The following DLC1 variants were observed in gnomAD, a reference collection of about 807,000 sequenced individuals.
DLC1 encodes the protein DLC1 Rho GTPase activating protein, also known as rho GTPase-activating protein 7.
In DLC1, 54 loss-of-function variants were observed where a neutral mutation model predicts 140.3. The ratio of observed to expected loss-of-function variants is 0.38; its 90% CI spans 0.31 to 0.48. The LOEUF is 0.48. Among genes scored for constraint, DLC1 ranks in the 20% least tolerant of loss-of-function variants. The probability of loss-of-function intolerance (pLI) is 0.96; values close to 1 mark genes in which losing one functional copy is unlikely to be tolerated. For synonymous variants in DLC1, 986 were observed against 728.1 expected, an observed-to-expected ratio of 1.35 and a Z score of -5.70; for missense variants, 2,536 against 1,907.0, an observed-to-expected ratio of 1.33 and a Z score of -6.14.
intron 5 of DLC1, among the ~76,000 whole-genome samples, chr8:13,172,269 C>T (rs546449194): frequency 6.6e-6 from 1 of 152,112 alleles, no homozygotes; most frequent in Non-Finnish European, 1.5e-5. Context: ...ATGGAGACCC[C>T]TGATAGGGTG....
chr8:13,208,537 T>C (rs1827780615), intron 5 of DLC1, among the ~76,000 whole-genome samples: 2 of 152,216 alleles, frequency 1.3e-5, no homozygotes, highest in Admixed American at 1.3e-4. Flanking sequence ...AGTCTTCCTT[T>C]CTTTGGTGCA....
intron 5 of DLC1, among the ~76,000 whole-genome samples, chr8:13,298,349 C>T (rs1832045885): frequency 6.6e-6 from 1 of 152,110 alleles, no homozygotes; most frequent in Admixed American, 6.5e-5. Context: ...CATGACCTGG[C>T]TGACATATTT....
In DLC1 at chr8:13,099,731, G is replaced by T; in HGVS notation, c.2606C>A (p.Ser869Tyr). 1.2e-6 allele frequency: 2 copies of T among 1,614,178 alleles called. No homozygotes were observed. The highest frequency in any genetic ancestry group is 1.7e-6 in the Non-Finnish European group (2 of 1,180,028). ...GCTCAGGCGGCTGCTCATGGAGCTGGAAGAATTGCGTCTCTTCAGTTCCTT... is the reference window on the plus strand; with the variant it reads ...GCTCAGGCGGCTGCTCATGGAGCTGTAAGAATTGCGTCTCTTCAGTTCCTT... The part of the protein sequence containing the change: ...SPKELKRRNS[S>Y]SSMSSRLSIY... Residue 869 changes from serine (S) to tyrosine (Y), a missense_variant, in exon 9 of 18, where the codon TCC (serine) becomes TAC (tyrosine). Coordinates refer to ENST00000276297, the MANE Select transcript of DLC1 (RefSeq NM_182643.3).
At chr8:13,429,070 A>C (rs1838740828) in intron 2 of DLC1, among the ~76,000 whole-genome samples, 1 of 152,246 alleles carries the variant, frequency 6.6e-6, no homozygotes, top group African/African-American at 2.4e-5. Context: ...TTACGATTAA[A>C]GGGATGAACA....
At chr8:13,382,801 T>A (rs574266992) in intron 4 of DLC1, among the ~76,000 whole-genome samples, 2 of 152,288 alleles carry the variant, frequency 1.3e-5, no homozygotes, top group East Asian at 3.9e-4. Flanking sequence ...TGAAAGATAC[T>A]TCACAGATCC....
rs557207570 is a variant in DLC1, at chr8:13,188,756, A to T, written c.1349-73099T>A. On this transcript the variant is annotated intron_variant, in intron 5 of 17. Transcript: ENST00000276297. ...CTCCCAAGTAGCTGGGATTACAGGC[A>T]TGTGCCACCATGCCCAGCTAATGTG... Among the ~76,000 whole-genome samples, 13 of 139,104 alleles carry T rather than the reference A, an allele frequency of 9.3e-5. No homozygotes were observed. In the East Asian group the frequency reaches 1.7e-3, roughly 18 times the overall value. The allele number at this position is 139,104 out of a possible 152,430, so 91.3% of individuals were successfully genotyped here.
chr8:13,112,736 G>A (rs1199500672), intron 6 of DLC1, among the ~76,000 whole-genome samples: 5 of 152,078 alleles, frequency 3.3e-5, no homozygotes, highest in Admixed American at 3.3e-4. Flanking sequence ...AAATAGAGAT[G>A]CGATCTCACT....
At chr8:13,290,868 C>A (rs6990877) in intron 5 of DLC1, among the ~76,000 whole-genome samples, 1 of 152,064 alleles carries the variant, frequency 6.6e-6, no homozygotes, top group African/African-American at 2.4e-5. Context: ...GAATGAGATG[C>A]GTAGCTTGGT....
intron 5 of DLC1, among the ~76,000 whole-genome samples, chr8:13,274,359 G>C (rs142536144): frequency 6.6e-6 from 1 of 152,282 alleles, no homozygotes; most frequent in Non-Finnish European, 1.5e-5. Flanking sequence ...TTCCTTTCAA[G>C]CATGGTATCT....
At chr8:13,536,351 A>G (rs1381087569) in intron 1 of DLC1, among the ~76,000 whole-genome samples, 1 of 152,216 alleles carries the variant, frequency 6.6e-6, no homozygotes, top group Non-Finnish European at 1.5e-5. Flanking sequence ...TCACAAGGTT[A>G]TAATCATGGA....
upstream of DLC1, among the ~76,000 whole-genome samples, chr8:13,519,744 A>G (rs1802706669): frequency 6.6e-6 from 1 of 152,202 alleles, no homozygotes; most frequent in African/African-American, 2.4e-5. Flanking sequence ...GTCCAAGAAT[A>G]GATATGAAAA....
intron 14 of DLC1, 80 bp downstream of exon 14, chr8:13,091,238 C>T: frequency 7.1e-7 from 1 of 1,403,162 alleles, no homozygotes; most frequent in African/African-American, 1.4e-5. Context: ...TCAGGTAAGA[C>T]ATGAACAAGG....
intron 7 of DLC1, among the ~76,000 whole-genome samples, chr8:13,103,223 A>T (rs1819250638): frequency 6.6e-6 from 1 of 152,060 alleles, no homozygotes; most frequent in Admixed American, 6.6e-5. Flanking sequence ...AGGCAGGAGA[A>T]TGGCGTGAAC....
chr8:13,579,245 C>CATATATATATATATATGT (rs1554546969), intron 1 of DLC1, among the ~76,000 whole-genome samples: 1 of 18,906 alleles, frequency 5.3e-5, no homozygotes, highest in Non-Finnish European at 1.0e-4. Context: ...GAACAGGGAG[C>CATATATATATATATATGT]ATATATATAT....
At position 13,171,547 on chromosome 8, in the gene DLC1, T is replaced by C. The variant is rs150433602; in HGVS notation, c.1349-55890A>G. 1.9e-3 allele frequency among the ~76,000 whole-genome samples: 287 copies of C among 152,136 alleles called. 1 individual carries two copies. The highest frequency in any genetic ancestry group is 6.7e-3 in the African/African-American group (277 of 41,502). On this transcript the variant is annotated intron_variant, in intron 5 of 17. Coordinates refer to ENST00000276297, the MANE Select transcript of DLC1 (RefSeq NM_182643.3). ...CTGGGACTACAGGTGCGTGCCACCA[T>C]GCCCCACTAATTTTTTATTTTCTTT...
intron 1 of DLC1, among the ~76,000 whole-genome samples, chr8:13,593,985 C>A (rs1805604887): frequency 6.6e-6 from 1 of 152,042 alleles, no homozygotes; most frequent in Non-Finnish European, 1.5e-5. Context: ...CTTAGTGAGA[C>A]CCTGTCTCTA....
intron 13 of DLC1, among the ~76,000 whole-genome samples, chr8:13,092,043 G>A (rs1162043347): frequency 6.6e-6 from 1 of 152,122 alleles, no homozygotes; most frequent in East Asian, 1.9e-4. Context: ...TCAGGAGCTC[G>A]AGACCAGCCT....
intron 5 of DLC1, among the ~76,000 whole-genome samples, chr8:13,140,127 G>A (rs557643374): frequency 6.6e-4 from 100 of 152,216 alleles, no homozygotes; most frequent in African/African-American, 2.3e-3. Flanking sequence ...TTTTAGGTAT[G>A]TCCTATAGGC....
intron 1 of DLC1, among the ~76,000 whole-genome samples, chr8:13,552,186 T>A (rs1803890916): frequency 7.0e-6 from 1 of 143,384 alleles, no homozygotes; most frequent in Non-Finnish European, 1.5e-5. Flanking sequence ...GGTGTATATA[T>A]ATACCTGTCT....
Sources: allele counts gnomAD v4.1 joint callset (sites outside exome capture counted in the v4.1 genomes callset), GRCh38; gene constraint gnomAD v4.1.1; transcripts MANE v1.5; gene names NCBI Gene and HGNC (gene_info 2026-07-23, HGNC 2026-07-21).